Variants in MTUS2 observed in about 807,000 individuals in gnomAD.
The protein encoded by MTUS2 is microtubule-associated tumor suppressor candidate 2.
In MTUS2, 40 loss-of-function variants were observed where a neutral mutation model predicts 114.1. The ratio of observed to expected loss-of-function variants is 0.35; its 90% CI spans 0.27 to 0.46. MTUS2 has a LOEUF of 0.46. MTUS2 is among the 20% of genes least tolerant of loss of function. MTUS2 has a pLI of 1.00. For synonymous variants in MTUS2, 688 were observed against 672.0 expected (o/e 1.02, Z -0.37); for missense variants, 1,679 against 1,705.4 (o/e 0.98, Z 0.27).
chr13:28,964,427 A>G (rs1883480358), intron 2 of MTUS2, among the ~76,000 whole-genome samples: 1 of 152,152 alleles, frequency 6.6e-6, no homozygotes, highest in Admixed American at 6.5e-5. Flanking sequence ...TTCCTTGCAC[A>G]GCTTAGAATA....
chr13:29,181,124 T>C (rs1317781386), intron 5 of MTUS2, among the ~76,000 whole-genome samples: 1 of 151,968 alleles, frequency 6.6e-6, no homozygotes, highest in Non-Finnish European at 1.5e-5. Flanking sequence ...GGGAGAGAGC[T>C]GGTAGTGGGT....
At position 29,480,292 on chromosome 13, in the gene MTUS2, G is replaced by A; in HGVS notation, c.3327G>A (p.Glu1109=). ...ELEERLQLQF[E]AEMARLQEEH... is the part of the protein sequence containing the mutation. ...AGGAGCGGCTGCAGCTGCAATTCGA[G>A]GCGGAAATGGCGCGCCTGCAGGAGG... Residue 1109 remains glutamate, a synonymous_variant, in exon 10 of 16, where the codon GAG becomes GAA. Coordinates refer to ENST00000612955, the MANE Select transcript of MTUS2 (RefSeq NM_001033602.4). This position sits in a 1 kb window ranked among gnomAD's most constrained non-coding sequence, Gnocchi z 4.4. The A allele has an allele frequency of 6.4e-7, 1 of 1,555,396 alleles. No homozygotes were observed. Among genetic ancestry groups the A allele is most frequent in the Non-Finnish European group, 8.7e-7 (1 of 1,149,674 alleles).
chr13:29,017,398 T>C (rs1886110838), intron 2 of MTUS2, among the ~76,000 whole-genome samples: 2 of 152,184 alleles, frequency 1.3e-5, no homozygotes. Context: ...TGGTTGAATG[T>C]ACATATGAAA....
At chr13:29,031,447 T>C (rs1439476303) in intron 3 of MTUS2, among the ~76,000 whole-genome samples, 1 of 151,966 alleles carries the variant, frequency 6.6e-6, no homozygotes, top group Non-Finnish European at 1.5e-5. Flanking sequence ...CTGATTGATT[T>C]TAAGAAATTG....
intron 5 of MTUS2, among the ~76,000 whole-genome samples, chr13:29,206,860 C>A (rs1431370214): frequency 6.6e-6 from 1 of 152,170 alleles, no homozygotes; most frequent in East Asian, 1.9e-4. Context: ...CAGATTTGTT[C>A]TTTTTGCTTA....
chr13:29,389,724 C>A lies in MTUS2; in HGVS notation c.3117+30251C>A, dbSNP rs1209625565. On this transcript the variant is annotated intron_variant, in intron 8 of 15. Coordinates refer to ENST00000612955, the MANE Select transcript of MTUS2 (RefSeq NM_001033602.4). Reference sequence around the variant, plus strand: ...ATATGTGTATATGTATATATACATACATATGTGTGTATATGTATATACATA... The same window carrying A: ...ATATGTGTATATGTATATATACATAAATATGTGTGTATATGTATATACATA... Among the ~76,000 whole-genome samples the A allele has an allele frequency of 1.2e-4, 12 of 97,736 alleles. 2 individuals are homozygous for A. Among genetic ancestry groups the A allele is most frequent in the African/African-American group, 4.4e-4 (11 of 25,014 alleles). 64.1% of individuals were successfully genotyped at this position (97,736 alleles called of 152,430 possible). A position where few individuals can be genotyped will look rare whatever the true frequency, so the allele number is the denominator to read the frequency against.
chr13:28,956,068 T>G (rs1883048751), intron 2 of MTUS2, among the ~76,000 whole-genome samples: 3 of 112,292 alleles, frequency 2.7e-5, no homozygotes, highest in East Asian at 3.1e-4. Context: ...CCCCCCATCC[T>G]TTCCCCCAAG....
At chr13:29,500,866 T>C (rs766369375) in intron 14 of MTUS2, among the ~76,000 whole-genome samples, 6 of 151,652 alleles carry the variant, frequency 4.0e-5, no homozygotes, top group Non-Finnish European at 8.8e-5. Flanking sequence ...AATAAAAATA[T>C]CTGAAATTTG....
intron 6 of MTUS2, among the ~76,000 whole-genome samples, chr13:29,311,611 T>TTA (rs1414337516): frequency 6.6e-6 from 1 of 152,200 alleles, no homozygotes; most frequent in Non-Finnish European, 1.5e-5. Flanking sequence ...ATCTTAATAC[T>TTA]TATGTACCTT....
chr13:29,478,411 T>C (rs1256595167), intron 9 of MTUS2, among the ~76,000 whole-genome samples: 1 of 152,206 alleles, frequency 6.6e-6, no homozygotes, highest in Non-Finnish European at 1.5e-5. Context: ...TCTCAAATGG[T>C]TCCAATTATA....
chr13:29,414,457 A>T (rs1875506862), intron 8 of MTUS2, among the ~76,000 whole-genome samples: 1 of 70,286 alleles, frequency 1.4e-5, no homozygotes, highest in East Asian at 2.6e-4. Context: ...GAGTATAATA[A>T]AAAAAAAAAT....
intron 2 of MTUS2, among the ~76,000 whole-genome samples, chr13:28,854,020 C>A (rs561711770): frequency 5.7e-4 from 87 of 152,294 alleles, no homozygotes; most frequent in African/African-American, 1.9e-3. Context: ...ATGCTCAAAG[C>A]TTCTTACAGT....
chr13:29,036,221 C>T (rs1014449198), intron 4 of MTUS2, among the ~76,000 whole-genome samples: 1 of 151,988 alleles, frequency 6.6e-6, no homozygotes, highest in South Asian at 2.1e-4. Context: ...GAGTACCTTC[C>T]CAAGGCCACT....
At chr13:29,359,126 A>T in intron 7 of MTUS2, 136 bp from the exon 8 acceptor site, 1 of 846,980 alleles carries the variant, frequency 1.2e-6, no homozygotes, top group Non-Finnish European at 1.8e-6. Context: ...TTTTCTTTTC[A>T]ATCCTTAAAA....
At chr13:28,917,509 A>ATT (rs1880810509) in intron 2 of MTUS2, among the ~76,000 whole-genome samples, 1 of 150,098 alleles carries the variant, frequency 6.7e-6, no homozygotes, top group Non-Finnish European at 1.5e-5. Flanking sequence ...ATGTCTAGGA[A>ATT]TTTATCTCAT....
intron 9 of MTUS2, among the ~76,000 whole-genome samples, chr13:29,471,766 G>C (rs1207833086): frequency 7.3e-6 from 1 of 137,172 alleles, no homozygotes; most frequent in South Asian, 2.3e-4. Context: ...ATTGATCTTA[G>C]GTCACTTAGT....
At chr13:29,167,842 C>T (rs1893383507) in intron 5 of MTUS2, among the ~76,000 whole-genome samples, 1 of 152,148 alleles carries the variant, frequency 6.6e-6, no homozygotes, top group Admixed American at 6.6e-5. Context: ...TGAAACACTT[C>T]TCTTCCCAAA....
At chr13:29,030,131 C>T (rs1366504925) in intron 3 of MTUS2, among the ~76,000 whole-genome samples, 2 of 152,214 alleles carry the variant, frequency 1.3e-5, no homozygotes, top group Non-Finnish European at 2.9e-5. Flanking sequence ...TGTTGTTCTG[C>T]TTCCTCCAAG....
intron 8 of MTUS2, among the ~76,000 whole-genome samples, chr13:29,389,439 A>ATGTATGTATACACGTG (rs1407024136): frequency 2.5e-5 from 2 of 79,436 alleles, no homozygotes; most frequent in Admixed American, 1.3e-4. Context: ...ACGTGTGTGT[A>ATGTATGTATACACGTG]TGTGTATGTA....
Sources: gnomAD v4.1 joint callset for allele counts (sites outside exome capture counted in the v4.1 genomes callset) on GRCh38, gnomAD v4.1.1 for gene constraint, Gnocchi (gnomAD v3.1) non-coding constraint, MANE v1.5 for transcripts, NCBI Gene and HGNC (gene_info 2026-07-23, HGNC 2026-07-21) for gene names.